Variants in SYNPR observed in about 807,000 individuals in gnomAD.
SYNPR encodes the protein synaptoporin.
A neutral mutation model predicts 32.9 loss-of-function variants in SYNPR; 23 were observed. The ratio of observed to expected loss-of-function variants is 0.70; its 90% confidence interval spans 0.50 to 0.99. The LOEUF (loss-of-function observed/expected upper bound fraction) is 0.99, where lower values mean the gene tolerates loss of function less well. SYNPR is among the 50% of genes least tolerant of loss of function. The probability of loss-of-function intolerance (pLI) is 0.00; values close to 1 mark genes in which losing one functional copy is unlikely to be tolerated. For synonymous variants in SYNPR, 146 were observed against 135.9 expected (o/e 1.07, Z -0.52); for missense variants, 318 against 349.3 (o/e 0.91, Z 0.71).
chr3:63,345,434 G>T (rs56047710), intron 2 of SYNPR, among the ~76,000 whole-genome samples: 1 of 152,114 alleles, frequency 6.6e-6, no homozygotes, highest in Non-Finnish European at 1.5e-5. Flanking sequence ...CAGCAGCAGG[G>T]CTGTCTCCAT....
At chr3:63,411,128 G>A (rs922542212) in intron 2 of SYNPR, among the ~76,000 whole-genome samples, 1 of 152,140 alleles carries the variant, frequency 6.6e-6, no homozygotes, top group Non-Finnish European at 1.5e-5. Context: ...TGTGGAAACT[G>A]AATCAGAAAA....
At chr3:63,414,247 C>G (rs2088508076) in intron 2 of SYNPR, among the ~76,000 whole-genome samples, 1 of 152,088 alleles carries the variant, frequency 6.6e-6, no homozygotes, top group African/African-American at 2.4e-5. Flanking sequence ...ATGTAGTTGA[C>G]AGTAATTAGT....
intron 2 of SYNPR, among the ~76,000 whole-genome samples, chr3:63,369,364 A>G (rs891415986): frequency 2.6e-5 from 4 of 152,206 alleles, no homozygotes; most frequent in Non-Finnish European, 4.4e-5. Context: ...TAGAGTCTGC[A>G]AAATGGAGGA....
intron 2 of SYNPR, among the ~76,000 whole-genome samples, chr3:63,295,094 C>G (rs934591125): frequency 2.0e-5 from 3 of 151,666 alleles, no homozygotes; most frequent in Non-Finnish European, 4.4e-5. Flanking sequence ...TATTTCCTCT[C>G]TTTCTCAGAT....
chr3:63,415,434 G>A (rs553976472), intron 2 of SYNPR, among the ~76,000 whole-genome samples: 4 of 149,750 alleles, frequency 2.7e-5, no homozygotes, highest in South Asian at 2.1e-4. Context: ...TTTTTTTTAC[G>A]TTTTTAAAGG....
At chr3:63,472,343 C>G (rs1365657301) in intron 2 of SYNPR, among the ~76,000 whole-genome samples, 1 of 152,100 alleles carries the variant, frequency 6.6e-6, no homozygotes. Flanking sequence ...TGCTGTTTAA[C>G]CTCTGTTTCC....
At chr3:63,503,917 C>T (rs1030386309) in intron 3 of SYNPR, among the ~76,000 whole-genome samples, 3 of 151,702 alleles carry the variant, frequency 2.0e-5, no homozygotes, top group African/African-American at 7.3e-5. Context: ...TAGGATATTG[C>T]CTTTAGTAAT....
At chr3:63,410,067 GACTT>G (rs1177171299) in intron 2 of SYNPR, among the ~76,000 whole-genome samples, 1 of 152,106 alleles carries the variant, frequency 6.6e-6, no homozygotes. Context: ...TCAAGCCACT[GACTT>G]ACACATTGTT....
chr3:63,354,237 G>T (rs571349853), intron 2 of SYNPR, among the ~76,000 whole-genome samples: 2 of 152,176 alleles, frequency 1.3e-5, no homozygotes, highest in South Asian at 4.1e-4. Flanking sequence ...GGGCAACTGG[G>T]ATTTCAGTGG....
rs370870961 is a variant in SYNPR at position 63,278,444 on chromosome 3, AAGGGGCTTCTGGCCCTG to A, written c.-86_-70del. 50 of 1,467,178 alleles carry A rather than the reference AAGGGGCTTCTGGCCCTG, an allele frequency of 3.4e-5. 2 individuals carry two copies. In the African/African-American group the frequency reaches 4.1e-4, roughly 12 times the overall value. 90.9% of individuals were successfully genotyped at this position (1,467,178 alleles called of 1,614,324 possible). A position where few individuals can be genotyped will look rare whatever the true frequency, so the allele number is the denominator to read the frequency against. ...GGTGTCGCTCCTCTGGCTGCTCCCG[AAGGGGCTTCTGGCCCTG>A]AGGACGGTGGTGCCAAGCGAACTTC... is the stretch of plus-strand genomic sequence containing the variant. On this transcript the variant is annotated 5_prime_UTR_variant, in exon 1 of 6. Coordinates refer to ENST00000478300, the MANE Select transcript of SYNPR (RefSeq NM_001130003.2).
At chr3:63,573,707 T>G (rs76102129) in intron 4 of SYNPR, among the ~76,000 whole-genome samples, 2,669 of 152,286 alleles carry the variant, frequency 0.018, 25 homozygotes, top group Non-Finnish European at 0.027. Context: ...TTCAGGTCCA[T>G]CTTGCCAGTT....
At chr3:63,275,570 T>C (rs2086568013), upstream of SYNPR, among the ~76,000 whole-genome samples, 1 of 152,240 alleles carries the variant, frequency 6.6e-6, no homozygotes, top group African/African-American at 2.4e-5. Flanking sequence ...ACACTTCCTC[T>C]GTGCCAAGTT....
In SYNPR at chr3:63,408,344, G is replaced by GACAGAAAAGA. The variant is rs1553876996; in HGVS notation, c.85-72487_85-72486insCAGAAAAGAA. On this transcript the variant is annotated intron_variant, in intron 2 of 5. Transcript: ENST00000478300. ...GGAAAGAAAGAAAGAAAGAAAGAAA[G>GACAGAAAAGA]AAAGAAAGAAAGAAAGAAAGAAAGA... 5.6e-5 allele frequency among the ~76,000 whole-genome samples: 8 copies of GACAGAAAAGA among 143,980 alleles called. 1 individual carries two copies. Among genetic ancestry groups the GACAGAAAAGA allele is most frequent in the African/African-American group, 2.3e-4 (8 of 35,470 alleles). 94.5% of individuals were successfully genotyped at this position (143,980 alleles called of 152,430 possible).
At chr3:63,244,679 C>T (rs999405234) in intron 1 of SYNPR, among the ~76,000 whole-genome samples, 2 of 152,076 alleles carry the variant, frequency 1.3e-5, no homozygotes, top group African/African-American at 4.8e-5. Flanking sequence ...TAGCCCTGTT[C>T]CACAAGCTCT....
At position 63,254,059 on chromosome 3, in the gene SYNPR, T is replaced by A. The variant is rs185540068; in HGVS notation, n.154+1473T>A. ...GGAAACCATCATTCTCAGCAAACTA[T>A]CGCAAGGACAAAAAAACCAAACACC... On this transcript the variant is annotated intron_variant and non_coding_transcript_variant, in intron 2 of 4. Coordinates refer to the SYNPR transcript ENST00000478456. 6.0e-3 allele frequency among the ~76,000 whole-genome samples: 905 copies of A among 152,000 alleles called. 7 individuals carry two copies. The highest frequency in any genetic ancestry group is 0.021 in the African/African-American group (854 of 41,416).
chr3:63,505,695 T>C (rs954120034), intron 3 of SYNPR, among the ~76,000 whole-genome samples: 5 of 152,210 alleles, frequency 3.3e-5, no homozygotes, highest in Non-Finnish European at 7.3e-5. Context: ...TGTGTTTATA[T>C]ACAAGATAAA....
chr3:63,292,972 C>T lies in SYNPR; in HGVS notation c.84+14230C>T, dbSNP rs140717793. ...TCCCAGACACACCATAGCCTCAGGC[C>T]GTCTGTAGGCTTTGGCAAGGGGATC... is the stretch of plus-strand genomic sequence containing the variant. On this transcript the variant is annotated intron_variant, in intron 2 of 5. Transcript: ENST00000478300. 5.9e-5 allele frequency among the ~76,000 whole-genome samples: 9 copies of T among 152,190 alleles called. No individual in the cohort carries two copies. The East Asian group carries it at 7.7e-4, about 13-fold the overall frequency.
chr3:63,513,091 G>A (rs1018447625), intron 3 of SYNPR, among the ~76,000 whole-genome samples: 1 of 146,856 alleles, frequency 6.8e-6, no homozygotes, highest in South Asian at 2.2e-4. Flanking sequence ...GCCTGGGAAA[G>A]GAGAAATACA....
At chr3:63,407,244 G>C (rs1004143399) in intron 2 of SYNPR, among the ~76,000 whole-genome samples, 1 of 152,156 alleles carries the variant, frequency 6.6e-6, no homozygotes, top group African/African-American at 2.4e-5. Context: ...CTCCAGAGTG[G>C]TAACACTGTG....
Sources: gnomAD v4.1 joint callset for allele counts (sites outside exome capture counted in the v4.1 genomes callset) on GRCh38, gnomAD v4.1.1 for gene constraint, MANE v1.5 for transcripts, NCBI Gene and HGNC (gene_info 2026-07-23, HGNC 2026-07-21) for gene names.